Variants in EEFSEC observed in about 807,000 individuals in gnomAD.
EEFSEC encodes the protein selenocysteine-specific elongation factor.
EEFSEC carries 43 observed loss-of-function variants against 42.1 expected under a neutral mutation model. That is an observed-to-expected ratio of 1.02 (90% confidence interval 0.80 to 1.32). EEFSEC has a LOEUF of 1.32. Among genes scored for constraint, EEFSEC ranks in the 40% most tolerant of loss-of-function variants. EEFSEC has a pLI of 0.00. For missense variants in EEFSEC, 745 were observed against 803.6 expected (o/e 0.93, Z 0.88); for synonymous variants, 354 against 339.1 (o/e 1.04, Z -0.48).
chr3:128,239,226 C>A (rs1449322322), intron 1 of EEFSEC, among the ~76,000 whole-genome samples: 1 of 152,230 alleles, frequency 6.6e-6, no homozygotes, highest in East Asian at 1.9e-4. Flanking sequence ...TCGCTCCATG[C>A]TGCCGTTAAT....
chr3:128,162,544 C>T (rs990221511), intron 1 of EEFSEC, among the ~76,000 whole-genome samples: 5 of 152,168 alleles, frequency 3.3e-5, no homozygotes, highest in Non-Finnish European at 7.3e-5. Context: ...CGCTGGACAG[C>T]GGGTGATTTT....
intron 1 of EEFSEC, among the ~76,000 whole-genome samples, chr3:128,218,636 T>G (rs1012635886): frequency 1.3e-5 from 2 of 152,194 alleles, no homozygotes; most frequent in Non-Finnish European, 2.9e-5. Context: ...GTTGGTTTGC[T>G]TGTTCATTGT....
At chr3:128,319,987 G>T (rs1197669190) in intron 4 of EEFSEC, among the ~76,000 whole-genome samples, 1 of 152,254 alleles carries the variant, frequency 6.6e-6, no homozygotes, top group African/African-American at 2.4e-5. Context: ...TGGGTGTCTG[G>T]CTTCAATAGG....
intron 5 of EEFSEC, among the ~76,000 whole-genome samples, chr3:128,347,855 T>G (rs1389476708): frequency 6.6e-6 from 1 of 152,180 alleles, no homozygotes; most frequent in Non-Finnish European, 1.5e-5. Flanking sequence ...TCAGAGTCCA[T>G]ATTTTAAAAT....
intron 4 of EEFSEC, among the ~76,000 whole-genome samples, chr3:128,293,660 C>CAA (rs759485696): frequency 4.2e-4 from 6 of 14,140 alleles, no homozygotes; most frequent in Admixed American, 1.2e-3. Context: ...GACTCTATCT[C>CAA]AAAAAAAAAA....
At chr3:128,350,504 C>T (rs993340974) in intron 5 of EEFSEC, among the ~76,000 whole-genome samples, 7 of 152,244 alleles carry the variant, frequency 4.6e-5, no homozygotes, top group African/African-American at 1.7e-4. Flanking sequence ...GGTTGAGAAG[C>T]TCTTTCCCCA....
intron 6 of EEFSEC, among the ~76,000 whole-genome samples, chr3:128,388,607 C>A (rs1280820426): frequency 6.6e-6 from 1 of 152,246 alleles, no homozygotes; most frequent in Non-Finnish European, 1.5e-5. Flanking sequence ...CCTGAGTTTG[C>A]TGAGTGAGGC....
At chr3:128,368,227 T>G (rs2067612739) in intron 6 of EEFSEC, among the ~76,000 whole-genome samples, 1 of 151,402 alleles carries the variant, frequency 6.6e-6, no homozygotes, top group Non-Finnish European at 1.5e-5. Flanking sequence ...AGGTCAGGAG[T>G]TGGAGACCAG....
At chr3:128,173,077 A>T (rs2065314893) in intron 1 of EEFSEC, among the ~76,000 whole-genome samples, 1 of 152,238 alleles carries the variant, frequency 6.6e-6, no homozygotes, top group South Asian at 2.1e-4. Context: ...CAAAGTAGGG[A>T]GAACCCTGGG....
downstream of EEFSEC, among the ~76,000 whole-genome samples, chr3:128,412,362 G>C (rs976093031): frequency 6.6e-6 from 1 of 152,250 alleles, no homozygotes; most frequent in Non-Finnish European, 1.5e-5. Flanking sequence ...GCCTCCATGT[G>C]GGGGTTAGCA....
intron 6 of EEFSEC, among the ~76,000 whole-genome samples, chr3:128,393,858 A>G (rs1008406065): frequency 2.0e-5 from 3 of 152,208 alleles, no homozygotes; most frequent in Admixed American, 6.5e-5. Flanking sequence ...ACTTATGGGC[A>G]CCTGCTTTGT....
At chr3:128,281,884 G>A (rs112046008) in intron 4 of EEFSEC, among the ~76,000 whole-genome samples, 18 of 152,316 alleles carry the variant, frequency 1.2e-4, no homozygotes, top group African/African-American at 4.3e-4. Flanking sequence ...AAGCTGGGGC[G>A]TTCCCCTGAG....
intron 1 of EEFSEC, among the ~76,000 whole-genome samples, chr3:128,166,465 A>G (rs1336738438): frequency 6.6e-6 from 1 of 152,198 alleles, no homozygotes; most frequent in African/African-American, 2.4e-5. Flanking sequence ...ATTAATTTAA[A>G]TTTATATAGG....
chr3:128,379,478 G>A (rs1444450683), intron 6 of EEFSEC, among the ~76,000 whole-genome samples: 1 of 152,176 alleles, frequency 6.6e-6, no homozygotes, highest in African/African-American at 2.4e-5. Context: ...AAGACGGACC[G>A]TTCACAAAGA....
At chr3:128,361,137 G>A (rs948741574) in intron 6 of EEFSEC, among the ~76,000 whole-genome samples, 4 of 152,136 alleles carry the variant, frequency 2.6e-5, no homozygotes, top group African/African-American at 7.2e-5. Context: ...CACTTCATGG[G>A]CCTCGCTGCC....
chr3:128,200,144 C>T (rs1232472442), intron 1 of EEFSEC, among the ~76,000 whole-genome samples: 1 of 152,188 alleles, frequency 6.6e-6, no homozygotes, highest in Non-Finnish European at 1.5e-5. Flanking sequence ...TCATACACAC[C>T]TGGGCTTATA....
intron 5 of EEFSEC, among the ~76,000 whole-genome samples, chr3:128,345,133 G>A (rs932677410): frequency 7.2e-5 from 11 of 152,234 alleles, no homozygotes; most frequent in Non-Finnish European, 1.5e-4. Context: ...TCCATGTTAA[G>A]TGGGAATTTT....
At chr3:128,293,542 T>C (rs1409258100) in intron 4 of EEFSEC, among the ~76,000 whole-genome samples, 3 of 151,590 alleles carry the variant, frequency 2.0e-5, no homozygotes, top group African/African-American at 7.3e-5. Flanking sequence ...GTGCCTGTAG[T>C]CCCAGCTACT....
At chr3:128,167,405 T>A (rs2065251892) in intron 1 of EEFSEC, among the ~76,000 whole-genome samples, 1 of 152,160 alleles carries the variant, frequency 6.6e-6, no homozygotes, top group African/African-American at 2.4e-5. Context: ...AATGAAGAGG[T>A]CATTTCCCAC....
Sources: gnomAD v4.1 joint callset for allele counts (sites outside exome capture counted in the v4.1 genomes callset) on GRCh38, gnomAD v4.1.1 for gene constraint, MANE v1.5 for transcripts, NCBI Gene and HGNC (gene_info 2026-07-23, HGNC 2026-07-21) for gene names.